The following NEB variants were observed in gnomAD, a reference collection of about 807,000 sequenced individuals.
The protein encoded by NEB is nemaline myopathy type 2.
A neutral mutation model predicts 952.2 loss-of-function variants in NEB; 512 were observed. The ratio of observed to expected loss-of-function variants is 0.54; its 90% CI spans 0.50 to 0.58. The LOEUF is 0.58. Among genes scored for constraint, NEB ranks in the 20% least tolerant of loss-of-function variants. The probability of loss-of-function intolerance (pLI) is 0.00; values close to 1 mark genes in which losing one functional copy is unlikely to be tolerated. For missense variants in NEB, 8,428 were observed against 9,231.1 expected (o/e 0.91, Z 3.56); for synonymous variants, 2,900 against 3,149.8 (o/e 0.92, Z 2.66).
At position 151,644,037 on chromosome 2, in the gene NEB, A is replaced by C. The variant is rs528614990; in HGVS notation, c.7737T>G (p.His2579Gln). 3.1e-6 allele frequency: 5 copies of C among 1,613,922 alleles called. No homozygotes were observed. In the East Asian group the frequency reaches 6.7e-5, roughly 22 times the overall value. The change falls in exon 57 of 182, where the codon CAT becomes CAG. Residue 2579 changes from histidine (H) to glutamine (Q), a missense_variant. By Grantham distance (24) the His-to-Gln change is conservative. This residue lies in a region of NEB where 1,772 missense variants were observed against 1,960.3 expected (regional missense o/e 0.90). Transcript: ENST00000397345. ...EDDPKMMWSMHVAKIQSDREY... is the reference protein window; with the variant it reads ...EDDPKMMWSMQVAKIQSDREY... Reference sequence around the variant, plus strand: ...CCCTGTCACTCTGGATCTTGGCCACATGCATGGACCACATCATCTTGGGGT... The same window carrying C: ...CCCTGTCACTCTGGATCTTGGCCACCTGCATGGACCACATCATCTTGGGGT...
intron 24 of NEB, among the ~76,000 whole-genome samples, chr2:151,688,996 C>T (rs1204836442): frequency 1.3e-5 from 2 of 151,984 alleles, no homozygotes; most frequent in Non-Finnish European, 2.9e-5. Context: ...AAAGCAAAAC[C>T]GTGGATAAGG....
chr2:151,533,596 AAAG>A, intron 142 of NEB, 50 bp from the exon 143 acceptor site: 1 of 1,213,254 alleles, frequency 8.2e-7, no homozygotes, highest in South Asian at 1.3e-5. Flanking sequence ...TGAAGACAGA[AAAG>A]AACACGGCTC....
At chr2:151,676,075 A>C (rs1032373819) in intron 34 of NEB, among the ~76,000 whole-genome samples, 1 of 152,204 alleles carries the variant, frequency 6.6e-6, no homozygotes, top group African/African-American at 2.4e-5. Context: ...TTTCAATCTC[A>C]TAATTCTCAT....
At chr2:151,611,452 T>G (rs970876661) in intron 78 of NEB, among the ~76,000 whole-genome samples, 1 of 152,184 alleles carries the variant, frequency 6.6e-6, no homozygotes, top group Admixed American at 6.6e-5. Context: ...TAAAAGAGTT[T>G]CTAGAGTTGT....
intron 142 of NEB, chr2:151,534,221 G>C: frequency 6.2e-7 from 1 of 1,613,108 alleles, no homozygotes; most frequent in South Asian, 1.1e-5. Flanking sequence ...GTACCTGACT[G>C]ATCTGGTCGC....
intron 170 of NEB, 49 bp downstream of exon 170, chr2:151,498,211 T>TTTAA (rs1295213245): frequency 3.2e-6 from 5 of 1,549,642 alleles, no homozygotes; most frequent in Non-Finnish European, 4.4e-6. Flanking sequence ...TAAAGATCAG[T>TTTAA]TTAATTCTGA....
chr2:151,506,044 G>C, intron 164 of NEB, 122 bp downstream of exon 164: 1 of 850,234 alleles, frequency 1.2e-6, no homozygotes, highest in South Asian at 1.4e-5. Flanking sequence ...GTGGTACACA[G>C]GCACCTATTT....
intron 9 of NEB, among the ~76,000 whole-genome samples, chr2:151,719,226 A>C (rs1380133109): frequency 6.6e-6 from 1 of 152,240 alleles, no homozygotes; most frequent in Non-Finnish European, 1.5e-5. Context: ...TGGCCTGCAT[A>C]GTACCTAGCT....
Position 151,497,939 on chromosome 2 carries a change from T to C in NEB, c.24208-221A>G, listed in dbSNP as rs137985656. ...TGCTGAGGAAGGGCTGTCAGAGTTA[T>C]CCATGTTATTTTTTTTCATTTTTGT... is the stretch of plus-strand genomic sequence containing the variant. On this transcript the variant is annotated intron_variant, in intron 170 of 181. Coordinates refer to ENST00000397345, the MANE Select transcript of NEB (RefSeq NM_001164508.2). 12,687 of 1,448,728 alleles carry C rather than the reference T, an allele frequency of 8.8e-3. 60 individuals are homozygous for C. The highest frequency in any genetic ancestry group is 0.01 in the Non-Finnish European group (11,573 of 1,110,360). 89.7% of individuals were successfully genotyped at this position (1,448,728 alleles called of 1,614,324 possible). A position where few individuals can be genotyped will look rare whatever the true frequency, so the allele number is the denominator to read the frequency against.
chr2:151,666,278 T>G lies in NEB; in HGVS notation c.4843A>C (p.Lys1615Gln), dbSNP rs1237432906. ...VAKIQSDREY[K>Q]KGYEASKTKY... ...GTCTTGCTGGCTTCATAGCCCTTTT[T>G]GTACTCACGATCAGACTGGATTTTG... The change falls in exon 41 of 182, where the codon AAA (lysine) becomes CAA (glutamine). Residue 1615 changes from lysine (K) to glutamine (Q), a missense_variant. Transcript: ENST00000397345. 6.2e-7 allele frequency: 1 copy of G among 1,613,864 alleles called. No individual in the cohort carries two copies. Among genetic ancestry groups the G allele is most frequent in the African/African-American group, 1.3e-5 (1 of 74,934 alleles).
intron 16 of NEB, 44 bp from the exon 17 acceptor site, chr2:151,696,779 A>G: frequency 6.7e-7 from 1 of 1,484,756 alleles, no homozygotes; most frequent in South Asian, 1.1e-5. Context: ...ATCACCTGTC[A>G]GATCCAAGGT....
At chr2:151,622,273 C>A (rs1214370115) in intron 71 of NEB, among the ~76,000 whole-genome samples, 2 of 152,202 alleles carry the variant, frequency 1.3e-5, no homozygotes, top group Non-Finnish European at 2.9e-5. Flanking sequence ...CAGGCATGAG[C>A]CACTGCACCC....
rs575958060 is a variant in NEB, at chr2:151,562,636, C to T, written c.18866G>A (p.Arg6289Gln). The change falls in exon 120 of 182, where the codon CGA becomes CAA. Residue 6289 changes from arginine to glutamine, a missense_variant. Physicochemically the swap from Arg to Gln is conservative, Grantham distance 43. Transcript: ENST00000397345. ...LLEEPNVIRV[R>Q]NAQEILSDNV... Reference sequence around the variant, plus strand: ...ATCACTCAAGATCTCCTGGGCGTTTCGGACGCGTATAACATTGGGTTCTTC... The same window carrying T: ...ATCACTCAAGATCTCCTGGGCGTTTTGGACGCGTATAACATTGGGTTCTTC... 2.4e-5 allele frequency: 38 copies of T among 1,579,860 alleles called. No individual in the cohort carries two copies. The Admixed American group carries it at 2.9e-4, about 12-fold the overall frequency.
chr2:151,594,890 G>C (rs2097378660), intron 92 of NEB, among the ~76,000 whole-genome samples: 1 of 38,962 alleles, frequency 2.6e-5, no homozygotes, highest in African/African-American at 1.3e-4. Context: ...AAACAGACAA[G>C]AAAGATGCAT....
intron 174 of NEB, 119 bp downstream of exon 174, chr2:151,494,042 G>T: frequency 2.1e-6 from 2 of 957,864 alleles, no homozygotes; most frequent in Non-Finnish European, 3.3e-6. Flanking sequence ...GATATTTAGA[G>T]CAGATGCAAA....
At chr2:151,638,807 C>CTG (rs71996133) in intron 63 of NEB, among the ~76,000 whole-genome samples, 110 of 147,956 alleles carry the variant, frequency 7.4e-4, no homozygotes, top group African/African-American at 2.0e-3. Context: ...TTCTCTCTCT[C>CTG]TGTGTGTGTG....
At chr2:151,564,488 C>T (rs1379630664) in intron 117 of NEB, among the ~76,000 whole-genome samples, 9 of 152,196 alleles carry the variant, frequency 5.9e-5, no homozygotes, top group African/African-American at 1.7e-4. Flanking sequence ...ACTATTTTTG[C>T]GGTCCTAGTA....
chr2:151,490,719 A>G (rs2055783186), intron 179 of NEB, among the ~76,000 whole-genome samples: 1 of 152,210 alleles, frequency 6.6e-6, no homozygotes, highest in African/African-American at 2.4e-5. Flanking sequence ...TACATGACCA[A>G]AGGTCATGGA....
Position 151,503,389 on chromosome 2 carries a change from T to C in NEB, c.23795A>G (p.Glu7932Gly), listed in dbSNP as rs2066253692. The change falls in exon 166 of 182, where the codon GAG becomes GGG. Residue 7932 changes from glutamate (E) to glycine (G), a missense_variant. Physicochemically the swap from Glu to Gly is moderately conservative, Grantham distance 98. Transcript: ENST00000397345. ...TTGATTGCGTTTGACTCTCTCAATC[T>C]CTGGAGTCACAGTGGTTGGAATGCC... ...GTGIPTTVTP[E>G]IERVKRNQEN... The C allele has an allele frequency of 6.2e-7, 1 of 1,612,824 alleles. No individual in the cohort carries two copies. Among genetic ancestry groups the C allele is most frequent in the Admixed American group, 1.7e-5 (1 of 59,974 alleles).
Sources: gnomAD v4.1 joint callset for allele counts (sites outside exome capture counted in the v4.1 genomes callset) on GRCh38, gnomAD v4.1.1 for gene constraint, gnomAD v4.1.1 regional missense constraint, MANE v1.5 for transcripts, NCBI Gene and HGNC (gene_info 2026-07-23, HGNC 2026-07-21) for gene names.